ATP9B: variants seen among roughly 807,000 people sequenced by gnomAD.
ATP9B encodes the protein probable phospholipid-transporting ATPase IIB.
In ATP9B, 110 loss-of-function variants were observed where a neutral mutation model predicts 146.1. That is an observed-to-expected ratio of 0.75 (90% CI 0.65 to 0.88). The LOEUF (loss-of-function observed/expected upper bound fraction) is 0.88, where lower values mean the gene tolerates loss of function less well. Ranked by LOEUF, ATP9B falls within the 40% of genes least tolerant of loss-of-function variation. The pLI is 0.00. For synonymous variants in ATP9B, 604 were observed against 569.7 expected (o/e 1.06, Z -0.86); for missense variants, 1,499 against 1,496.4 (o/e 1.00, Z -0.03).
chr18:79,336,549 G>A (rs1219155596), intron 17 of ATP9B, 79 bp from the exon 18 acceptor site: 2 of 1,324,630 alleles, frequency 1.5e-6, no homozygotes, highest in Non-Finnish European at 2.1e-6. Flanking sequence ...AGCAATCAGA[G>A]TGTGGCACTG....
Position 79,369,477 on chromosome 18 carries a change from G to A in ATP9B, c.3013-3348G>A, listed in dbSNP as rs141404059. ...GAACCCGGGAGGCGAAGCCTGCAGT[G>A]AGCCAAGGTCGCACCACTGCACTCC... is the stretch of plus-strand genomic sequence containing the variant. On this transcript the variant is annotated intron_variant, in intron 26 of 29. Coordinates refer to ENST00000426216, the MANE Select transcript of ATP9B (RefSeq NM_198531.5). Among the ~76,000 whole-genome samples the A allele has an allele frequency of 6.6e-3, 964 of 146,338 alleles. 5 individuals carry two copies. The highest frequency in any genetic ancestry group is 0.023 in the African/African-American group (901 of 39,164).
At position 79,133,354 on chromosome 18, in the gene ATP9B, A is replaced by G. The variant is rs756457451; in HGVS notation, c.667+6979A>G. ...ACCAAGTAATTTTGTCATTGGAAGTAATGGCAAAAACCACAGTTACTTTTG... is the reference window on the plus strand; with the variant it reads ...ACCAAGTAATTTTGTCATTGGAAGTGATGGCAAAAACCACAGTTACTTTTG... On this transcript the variant is annotated intron_variant, in intron 5 of 29. Coordinates refer to ENST00000426216, the MANE Select transcript of ATP9B (RefSeq NM_198531.5). Among the ~76,000 whole-genome samples, 126 of 152,336 alleles carry G rather than the reference A, an allele frequency of 8.3e-4. 1 individual carries two copies. Among genetic ancestry groups the G allele is most frequent in the Middle Eastern group, 6.8e-3 (2 of 294 alleles).
chr18:79,307,463 A>G, intron 15 of ATP9B: 1 of 574,610 alleles, frequency 1.7e-6, no homozygotes, highest in Non-Finnish European at 3.0e-6. Flanking sequence ...GGCACATCCC[A>G]GAACACCCAG....
chr18:79,278,722 G>C (rs558790635), intron 13 of ATP9B, among the ~76,000 whole-genome samples: 13 of 152,252 alleles, frequency 8.5e-5, no homozygotes, highest in African/African-American at 2.9e-4. Flanking sequence ...AGAGAGCAAT[G>C]TTTATGAATC....
chr18:79,151,958 C>T (rs2094697331), intron 6 of ATP9B, among the ~76,000 whole-genome samples: 1 of 152,068 alleles, frequency 6.6e-6, no homozygotes, highest in African/African-American at 2.4e-5. Context: ...CCAGAATCTA[C>T]AAAGAACTTA....
intron 9 of ATP9B, among the ~76,000 whole-genome samples, chr18:79,194,069 A>G (rs1161925662): frequency 1.3e-5 from 2 of 152,174 alleles, no homozygotes; most frequent in East Asian, 3.9e-4. Flanking sequence ...GCCTATTTCC[A>G]TAGGTGCTGC....
chr18:79,277,757 T>C (rs900844047), intron 13 of ATP9B, among the ~76,000 whole-genome samples: 4 of 152,206 alleles, frequency 2.6e-5, no homozygotes, highest in African/African-American at 4.8e-5. Flanking sequence ...AGACAAACAA[T>C]TGGAATCTGG....
intron 5 of ATP9B, among the ~76,000 whole-genome samples, chr18:79,143,456 G>T (rs1040693900): frequency 2.0e-5 from 3 of 152,236 alleles, no homozygotes; most frequent in Non-Finnish European, 4.4e-5. Flanking sequence ...TTACATCTCT[G>T]TGTTAAGTTT....
chr18:79,261,351 G>A (rs895668273), intron 12 of ATP9B, among the ~76,000 whole-genome samples: 3 of 152,088 alleles, frequency 2.0e-5, no homozygotes, highest in Admixed American at 6.6e-5. Flanking sequence ...ATCTCTAAAC[G>A]AGACCATCCT....
chr18:79,110,447 A>C lies in ATP9B; in HGVS notation c.386A>C (p.Lys129Thr). 1 of 1,613,066 alleles carries C rather than the reference A, an allele frequency of 6.2e-7. No individual in the cohort carries two copies. Among genetic ancestry groups the C allele is most frequent in the Non-Finnish European group, 8.5e-7 (1 of 1,179,314 alleles). The change falls in exon 3 of 30, where the codon AAA (lysine) becomes ACA (threonine). Residue 129 changes from lysine (K) to threonine (T), a missense_variant. By Grantham distance (78) the Lys-to-Thr change is moderately conservative. Transcript: ENST00000426216. ...GGATGTCCTGAAAAGTGTGAAGAAA[A>C]ACATCCCAGGAATTCTATAAAAAAT... Reference protein sequence around the residue: ...WLGCPEKCEEKHPRNSIKNQK... With the variant: ...WLGCPEKCEETHPRNSIKNQK...
At chr18:79,287,870 A>G (rs1404107559) in intron 13 of ATP9B, among the ~76,000 whole-genome samples, 14 of 148,992 alleles carry the variant, frequency 9.4e-5, no homozygotes, top group Non-Finnish European at 1.7e-4. Flanking sequence ...TCATTTCGTT[A>G]TGTACCCAGT....
intron 4 of ATP9B, among the ~76,000 whole-genome samples, chr18:79,113,662 G>T (rs2094012232): frequency 6.6e-6 from 1 of 152,210 alleles, no homozygotes; most frequent in Admixed American, 6.5e-5. Context: ...CCTCCTGTTT[G>T]ATGCAGCTGT....
intron 15 of ATP9B, among the ~76,000 whole-genome samples, chr18:79,326,532 T>C (rs540597176): frequency 1.3e-5 from 2 of 150,816 alleles, no homozygotes; most frequent in East Asian, 2.0e-4. Context: ...GTGTGTCATC[T>C]CTGCACACTC....
chr18:79,176,506 T>C (rs979908067), intron 7 of ATP9B, among the ~76,000 whole-genome samples: 2 of 152,214 alleles, frequency 1.3e-5, no homozygotes, highest in African/African-American at 2.4e-5. Context: ...AAAGTAGAAA[T>C]GATCAATGCA....
At chr18:79,256,881 C>CT (rs1208498678) in intron 12 of ATP9B, among the ~76,000 whole-genome samples, 4 of 152,090 alleles carry the variant, frequency 2.6e-5, no homozygotes, top group Non-Finnish European at 5.9e-5. Context: ...CTTGATCAGT[C>CT]TTTTTTCAAA....
intron 20 of ATP9B, chr18:79,343,675 C>CCGATGTGTGGCGA (rs1194588515): frequency 6.5e-6 from 1 of 153,532 alleles, no homozygotes; most frequent in African/African-American, 2.4e-5. Context: ...TGTCTCTTAC[C>CCGATGTGTGGCGA]CGATGTGTGG....
intron 2 of ATP9B, among the ~76,000 whole-genome samples, chr18:79,105,863 A>G (rs755194724): frequency 6.6e-6 from 1 of 152,214 alleles, no homozygotes; most frequent in Non-Finnish European, 1.5e-5. Context: ...TCATCTTTTA[A>G]GAAGACATCA....
chr18:79,337,590 C>G, intron 19 of ATP9B, 141 bp downstream of exon 19: 1 of 1,169,492 alleles, frequency 8.6e-7, no homozygotes, highest in Non-Finnish European at 1.2e-6. Context: ...CACCAGCTCC[C>G]CTCCTTCCTT....
intron 15 of ATP9B, among the ~76,000 whole-genome samples, chr18:79,311,287 A>C (rs1450509910): frequency 6.6e-6 from 1 of 152,208 alleles, no homozygotes; most frequent in Non-Finnish European, 1.5e-5. Context: ...ACTTGAGGCG[A>C]ATGCTGAAGT....
Sources: allele counts gnomAD v4.1 joint callset (sites outside exome capture counted in the v4.1 genomes callset), GRCh38; gene constraint gnomAD v4.1.1; transcripts MANE v1.5; gene names NCBI Gene and HGNC (gene_info 2026-07-23, HGNC 2026-07-21).